SMAGP: variants seen among roughly 807,000 people sequenced by gnomAD.
SMAGP encodes small cell adhesion glycoprotein, also known as small cell transmembrane and glycosylated protein.
A neutral mutation model predicts 10.1 loss-of-function variants in SMAGP; 7 were observed. That is an observed-to-expected ratio of 0.70 (90% CI 0.40 to 1.31). SMAGP has a LOEUF of 1.31. SMAGP is among the 50% of genes most tolerant of loss of function. The pLI is 0.01. For missense variants in SMAGP, 113 were observed against 116.5 expected (o/e 0.97, Z 0.14); for synonymous variants, 49 against 47.2 (o/e 1.04, Z -0.16).
At chr12:51,246,396 G>A in intron 3 of SMAGP, 1 of 479,202 alleles carries the variant, frequency 2.1e-6, no homozygotes, top group East Asian at 3.3e-5. Context: ...AAAGAAACGG[G>A]AAGGAGGGAA....
In SMAGP at chr12:51,250,284, A is replaced by G. The variant is rs931284734; in HGVS notation, c.35-3453T>C. ...GTAGTCCCAGATACTCATGAGGCTG[A>G]AGTGGGAAGATTGCTTGAGCCCAGG... is the stretch of plus-strand genomic sequence containing the variant. On this transcript the variant is annotated intron_variant, in intron 2 of 3. Coordinates refer to ENST00000603798, the MANE Select transcript of SMAGP (RefSeq NM_001031628.2). Among the ~76,000 whole-genome samples, 4 of 151,948 alleles carry G rather than the reference A, an allele frequency of 2.6e-5. No homozygotes were observed. The East Asian group carries it at 5.8e-4, about 22-fold the overall frequency.
intron 1 of SMAGP, chr12:51,269,674 G>A (rs529179953): frequency 5.3e-6 from 1 of 187,542 alleles, no homozygotes; most frequent in East Asian, 1.4e-4. Flanking sequence ...GGTACCCTAG[G>A]GTTCCACAGC....
At chr12:51,267,123 A>G (rs1447082865) in intron 2 of SMAGP, among the ~76,000 whole-genome samples, 1 of 152,124 alleles carries the variant, frequency 6.6e-6, no homozygotes. Context: ...CTCAAAAATA[A>G]TAATAATAAA....
intron 3 of SMAGP, 117 bp downstream of exon 3, chr12:51,246,634 G>A (rs1157845416): frequency 3.2e-6 from 2 of 622,322 alleles, no homozygotes; most frequent in Non-Finnish European, 5.4e-6. Context: ...GTGTGTGTGT[G>A]TGTGTAATAT....
chr12:51,253,595 T>TA (rs893746358), intron 2 of SMAGP: 44 of 149,880 alleles, frequency 2.9e-4, no homozygotes, highest in African/African-American at 7.8e-4. Context: ...AAGGAAATTC[T>TA]AAAAAAAAAC....
intron 2 of SMAGP, among the ~76,000 whole-genome samples, chr12:51,267,278 G>A (rs1002885576): frequency 6.6e-6 from 1 of 151,972 alleles, no homozygotes; most frequent in East Asian, 1.9e-4. Context: ...AGGGTAAATC[G>A]TCTCTGTAGC....
intron 2 of SMAGP, among the ~76,000 whole-genome samples, chr12:51,267,056 CAGTGAACCGAAATT>C (rs1944980598): frequency 6.6e-6 from 1 of 152,108 alleles, no homozygotes; most frequent in Admixed American, 6.6e-5. Context: ...GCGGAGGTTG[CAGTGAACCGAAATT>C]AAGCCACTGT....
intron 2 of SMAGP, among the ~76,000 whole-genome samples, chr12:51,264,786 G>A (rs1944959729): frequency 6.6e-6 from 1 of 151,830 alleles, no homozygotes; most frequent in Non-Finnish European, 1.5e-5. Context: ...CAAAAAATTA[G>A]CCGGGTGTGG....
chr12:51,268,208 T>C (rs985745958), intron 2 of SMAGP, among the ~76,000 whole-genome samples: 4 of 152,100 alleles, frequency 2.6e-5, no homozygotes, highest in African/African-American at 9.7e-5. Context: ...CAAAATCACT[T>C]TCAAGGGAAA....
At chr12:51,259,238 TG>T (rs1404680024) in intron 2 of SMAGP, among the ~76,000 whole-genome samples, 20 of 152,180 alleles carry the variant, frequency 1.3e-4, no homozygotes, top group Non-Finnish European at 1.5e-4. Context: ...TGAATGCCCT[TG>T]GGGTAAATGC....
chr12:51,263,650 C>T (rs1179688020), intron 2 of SMAGP, among the ~76,000 whole-genome samples: 1 of 152,102 alleles, frequency 6.6e-6, no homozygotes, highest in African/African-American at 2.4e-5. Context: ...AGGGTGAGGA[C>T]AACCTAGGCG....
intron 2 of SMAGP, among the ~76,000 whole-genome samples, chr12:51,268,962 T>C (rs1945002053): frequency 6.6e-6 from 1 of 152,088 alleles, no homozygotes; most frequent in Admixed American, 6.6e-5. Context: ...CCTCAAGAGA[T>C]CCTCCTGTCT....
At chr12:51,249,762 G>C (rs1944818221) in intron 2 of SMAGP, among the ~76,000 whole-genome samples, 1 of 151,956 alleles carries the variant, frequency 6.6e-6, no homozygotes, top group Admixed American at 6.6e-5. Context: ...GATTACAGGT[G>C]TGTGCCACCA....
At chr12:51,269,554 A>C (rs1945007457) in intron 1 of SMAGP, 2 of 417,352 alleles carry the variant, frequency 4.8e-6, no homozygotes, top group Admixed American at 7.4e-5. Context: ...CGCTCTCTCC[A>C]GGTCCTTTCA....
intron 2 of SMAGP, among the ~76,000 whole-genome samples, chr12:51,252,349 C>A (rs2137299290): frequency 6.6e-6 from 1 of 151,740 alleles, no homozygotes; most frequent in African/African-American, 2.4e-5. Context: ...CCGCCTCGGC[C>A]TCCCAAAGTG....
At chr12:51,260,673 C>T (rs1446340074) in intron 2 of SMAGP, among the ~76,000 whole-genome samples, 8 of 143,736 alleles carry the variant, frequency 5.6e-5, no homozygotes, top group African/African-American at 7.8e-5. Context: ...CCACCGCGCC[C>T]GGCCAATTTT....
chr12:51,251,174 C>G (rs952904467), intron 2 of SMAGP, among the ~76,000 whole-genome samples: 1 of 152,176 alleles, frequency 6.6e-6, no homozygotes, highest in Non-Finnish European at 1.5e-5. Context: ...TAGCTCACGC[C>G]TGTAATCCCA....
chr12:51,270,104 G>A (rs1464095174), intron 1 of SMAGP, 152 bp downstream of exon 1: 1 of 151,948 alleles, frequency 6.6e-6, no homozygotes, highest in African/African-American at 2.4e-5. Flanking sequence ...CGGTGCGTCG[G>A]GGAGCGGCGT....
intron 2 of SMAGP, among the ~76,000 whole-genome samples, chr12:51,258,996 A>AC (rs1325900559): frequency 6.9e-6 from 1 of 145,726 alleles, no homozygotes; most frequent in African/African-American, 2.7e-5. Flanking sequence ...AAAAAAAAAA[A>AC]AAAAAAAAAA....
Sources: allele counts gnomAD v4.1 joint callset (sites outside exome capture counted in the v4.1 genomes callset), GRCh38; gene constraint gnomAD v4.1.1; transcripts MANE v1.5; gene names NCBI Gene and HGNC (gene_info 2026-07-23, HGNC 2026-07-21).